The following IQSEC1 variants were observed in gnomAD, a reference collection of about 807,000 sequenced individuals.
IQSEC1 encodes the protein IQ motif and SEC7 domain-containing protein 1.
A neutral mutation model predicts 91.0 loss-of-function variants in IQSEC1; 31 were observed. The observed-to-expected ratio is 0.34, with a 90% CI of 0.26 to 0.46. The LOEUF (loss-of-function observed/expected upper bound fraction) is 0.46, where lower values mean the gene tolerates loss of function less well. IQSEC1 is among the 20% of genes least tolerant of loss of function. IQSEC1 has a pLI of 1.00. For synonymous variants in IQSEC1, 699 were observed against 662.6 expected (o/e 1.05, Z -0.84); for missense variants, 1,388 against 1,575.6 (o/e 0.88, Z 2.02).
rs114813983 is a variant in IQSEC1 at position 13,191,917 on chromosome 3, T to C, written c.273-27784A>G. On this transcript the variant is annotated intron_variant, in intron 1 of 15. Transcript: ENST00000648114. ...CATTTCATGACAAATAGATGAATAT[T>C]TGATGAATATTGTGCCCTGTATCCT... 1.8e-3 allele frequency among the ~76,000 whole-genome samples: 267 copies of C among 152,324 alleles called. 2 individuals carry two copies. The highest frequency in any genetic ancestry group is 2.8e-3 in the Non-Finnish European group (192 of 68,028).
In IQSEC1 at chr3:12,899,180, G is replaced by A. The variant is rs1575820797; in HGVS notation, c.*1803C>T. On this transcript the variant is annotated 3_prime_UTR_variant, in exon 14 of 14. Coordinates refer to ENST00000613206, the MANE Select transcript of IQSEC1 (RefSeq NM_001134382.3). ...CCGAGGGTGGGAGGGATGTGAGGAG[G>A]GAAATCGGCAAAACCCTGGCCAGCC... 3 of 592,934 alleles carry A rather than the reference G, an allele frequency of 5.1e-6. No homozygotes were observed. The highest frequency in any genetic ancestry group is 2.8e-5 in the East Asian group (1 of 35,612). 36.7% of individuals were successfully genotyped at this position (592,934 alleles called of 1,614,324 possible).
At chr3:12,910,669 G>A (rs992723267) in intron 10 of IQSEC1, among the ~76,000 whole-genome samples, 1 of 152,198 alleles carries the variant, frequency 6.6e-6, no homozygotes, top group Non-Finnish European at 1.5e-5. Flanking sequence ...GTCTCCTACC[G>A]GGCTGTCCCT....
At chr3:13,274,298 C>T (rs994941686) in intron 1 of IQSEC1, among the ~76,000 whole-genome samples, 1 of 152,080 alleles carries the variant, frequency 6.6e-6, no homozygotes, top group African/African-American at 2.4e-5. Context: ...GAGGATCCCA[C>T]CCCGCACCTT....
intron 1 of IQSEC1, among the ~76,000 whole-genome samples, chr3:13,029,524 C>A (rs1703758981): frequency 6.6e-6 from 1 of 152,242 alleles, no homozygotes; most frequent in Admixed American, 6.5e-5. Flanking sequence ...TGCCTATTCA[C>A]TACCCCCTTC....
chr3:13,131,478 CTTTTTTTTTTT>C (rs61345195), intron 2 of IQSEC1, among the ~76,000 whole-genome samples: 2 of 81,710 alleles, frequency 2.4e-5, no homozygotes, highest in African/African-American at 9.3e-5. Context: ...AAATCTATGT[CTTTTTTTTTTT>C]TTTTTTTTTT....
At chr3:13,126,341 C>T (rs1425524371) in intron 2 of IQSEC1, among the ~76,000 whole-genome samples, 4 of 152,208 alleles carry the variant, frequency 2.6e-5, no homozygotes, top group Admixed American at 6.5e-5. Context: ...AAAGTTGCTG[C>T]GCATATCAAA....
intron 1 of IQSEC1, among the ~76,000 whole-genome samples, chr3:13,240,508 C>T (rs972907501): frequency 6.6e-6 from 1 of 152,150 alleles, no homozygotes. Context: ...GAGACACCAG[C>T]GGTGTGGCAG....
At chr3:13,256,800 G>A (rs1695293603) in intron 1 of IQSEC1, among the ~76,000 whole-genome samples, 1 of 152,176 alleles carries the variant, frequency 6.6e-6, no homozygotes, top group Non-Finnish European at 1.5e-5. Context: ...GAGACGCAAA[G>A]CACGAGAAGG....
At chr3:12,937,193 A>G (rs1286180287) in intron 2 of IQSEC1, among the ~76,000 whole-genome samples, 5 of 152,168 alleles carry the variant, frequency 3.3e-5, no homozygotes, top group African/African-American at 1.2e-4. Flanking sequence ...TCGCCCTCCC[A>G]AAGTGCTGGG....
Position 12,900,558 on chromosome 3 carries a change from A to T in IQSEC1, c.*425T>A. On this transcript the variant is annotated 3_prime_UTR_variant, in exon 14 of 14. Coordinates refer to ENST00000613206, the MANE Select transcript of IQSEC1 (RefSeq NM_001134382.3). Reference sequence around the variant, plus strand: ...TATTTTTTTGCCCATTGTCAATAAAAGAGCAATAATGCAGCAAGTTTTGGG... The same window carrying T: ...TATTTTTTTGCCCATTGTCAATAAATGAGCAATAATGCAGCAAGTTTTGGG... 6 of 994,084 alleles carry T rather than the reference A, an allele frequency of 6.0e-6. No homozygotes were observed. Among genetic ancestry groups the T allele is most frequent in the Non-Finnish European group, 7.2e-6 (6 of 835,138 alleles). 61.6% of individuals were successfully genotyped at this position (994,084 alleles called of 1,614,324 possible). A position where few individuals can be genotyped will look rare whatever the true frequency, so the allele number is the denominator to read the frequency against.
At chr3:13,037,574 C>T (rs1363720428) in intron 1 of IQSEC1, among the ~76,000 whole-genome samples, 3 of 152,160 alleles carry the variant, frequency 2.0e-5, no homozygotes, top group Admixed American at 2.0e-4. Flanking sequence ...ATGTTCATAG[C>T]AGCACTACAC....
intron 1 of IQSEC1, among the ~76,000 whole-genome samples, chr3:13,270,967 A>G (rs955644912): frequency 1.3e-5 from 2 of 152,258 alleles, no homozygotes; most frequent in African/African-American, 4.8e-5. Flanking sequence ...AATGGTAACC[A>G]AAATGAGTTA....
chr3:13,261,732 A>G (rs2125130595), intron 1 of IQSEC1, among the ~76,000 whole-genome samples: 1 of 151,762 alleles, frequency 6.6e-6, no homozygotes, highest in African/African-American at 2.4e-5. Flanking sequence ...TCCCCAATAA[A>G]TCTCCCCTTG....
chr3:13,217,094 TA>T (rs56822068), intron 1 of IQSEC1, among the ~76,000 whole-genome samples: 3,629 of 150,970 alleles, frequency 0.024, 83 homozygotes, highest in African/African-American at 0.066. Context: ...TTAGTGCTTT[TA>T]AAAAAAAAAT....
chr3:13,026,758 C>T (rs1703628104), intron 1 of IQSEC1, among the ~76,000 whole-genome samples: 1 of 152,140 alleles, frequency 6.6e-6, no homozygotes, highest in Admixed American at 6.5e-5. Context: ...CCTGTCTCTG[C>T]ATCCCTCCCT....
In IQSEC1 at chr3:12,900,800, T is replaced by G. The variant is rs1445882934; in HGVS notation, c.*183A>C. ...CAGGGTGCCAACAAGAAATGAAATC[T>G]GGGCCTTTGTTCCACACAACACCAG... On this transcript the variant is annotated 3_prime_UTR_variant, in exon 14 of 14. Transcript: ENST00000613206. The G allele has an allele frequency of 1.4e-6, 2 of 1,453,976 alleles. No homozygotes were observed. The highest frequency in any genetic ancestry group is 5.2e-5 in the Admixed American group (2 of 38,530). 90.1% of individuals were successfully genotyped at this position (1,453,976 alleles called of 1,614,324 possible). A position where few individuals can be genotyped will look rare whatever the true frequency, so the allele number is the denominator to read the frequency against.
intron 1 of IQSEC1, among the ~76,000 whole-genome samples, chr3:12,976,418 C>T (rs1481161439): frequency 1.3e-5 from 2 of 152,210 alleles, no homozygotes; most frequent in African/African-American, 4.8e-5. Flanking sequence ...GCACATCCTC[C>T]GGTGGAGCCA....
intron 1 of IQSEC1, among the ~76,000 whole-genome samples, chr3:13,279,017 A>T (rs1695742470): frequency 6.6e-6 from 1 of 152,110 alleles, no homozygotes. Flanking sequence ...CAAGGAGATG[A>T]CCTGACCAAG....
At position 12,915,632 on chromosome 3, in the gene IQSEC1, C is replaced by T; in HGVS notation, c.2122G>A (p.Val708Met). 3 of 1,614,146 alleles carry T rather than the reference C, an allele frequency of 1.9e-6. No homozygotes were observed. Among genetic ancestry groups the T allele is most frequent in the Non-Finnish European group, 2.5e-6 (3 of 1,180,014 alleles). ...ACAATGAGCTTCTCCACCTTCTGCA[C>T]CTGGGACACATGGTCCTCATTGGTC... ...LKTNEDHVSQ[V>M]QKVEKLIVGK... Residue 708 changes from valine (V) to methionine (M), a missense_variant, in exon 7 of 14, where the codon GTG becomes ATG. Physicochemically the swap from Val to Met is conservative, Grantham distance 21. Around this residue, in one of 2 missense-constraint regions of IQSEC1, gnomAD observed 1,059 missense variants for 1,317.8 expected, o/e 0.80. Transcript: ENST00000613206.
Sources: gnomAD v4.1 joint callset for allele counts (sites outside exome capture counted in the v4.1 genomes callset) on GRCh38, gnomAD v4.1.1 for gene constraint, gnomAD v4.1.1 regional missense constraint, MANE v1.5 for transcripts, NCBI Gene and HGNC (gene_info 2026-07-23, HGNC 2026-07-21) for gene names.